The following PTPRF variants were observed in gnomAD, a reference collection of about 807,000 sequenced individuals.
PTPRF encodes receptor-type tyrosine-protein phosphatase F.
PTPRF carries 59 observed loss-of-function variants against 201.8 expected under a neutral mutation model. That is an observed-to-expected ratio of 0.29 (90% CI 0.24 to 0.36). The LOEUF (loss-of-function observed/expected upper bound fraction) is 0.36, where lower values mean the gene tolerates loss of function less well. Ranked by LOEUF, PTPRF falls within the 10% of genes least tolerant of loss-of-function variation. The probability of loss-of-function intolerance (pLI) is 1.00; values close to 1 mark genes in which losing one functional copy is unlikely to be tolerated. For missense variants in PTPRF, 2,132 were observed against 2,690.5 expected (o/e 0.79, Z 4.59); for synonymous variants, 1,088 against 1,089.7 (o/e 1.00, Z 0.03).
At chr1:43,608,909 ACGCCTTTCCCGTCC>A (rs1187087477) in intron 21 of PTPRF, among the ~76,000 whole-genome samples, 1 of 152,092 alleles carries the variant, frequency 6.6e-6, no homozygotes, top group Admixed American at 6.6e-5. Context: ...AGCTAGGGTG[ACGCCTTTCCCGTCC>A]CTCCCCTGCT....
chr1:43,620,543 G>T lies in PTPRF; in HGVS notation c.5328G>T (p.Gln1776His), dbSNP rs1422196179. The T allele has an allele frequency of 6.2e-7, 1 of 1,614,164 alleles. No homozygotes were observed. Among genetic ancestry groups the T allele is most frequent in the East Asian group, 2.2e-5 (1 of 44,888 alleles). ...VDPMAEYNMP[Q>H]YILREFKVTD... Reference sequence around the variant, plus strand: ...CGATGGCTGAGTACAACATGCCCCAGTATATCCTGCGTGAGTTCAAGGTCA... The same window carrying T: ...CGATGGCTGAGTACAACATGCCCCATTATATCCTGCGTGAGTTCAAGGTCA... Residue 1776 changes from glutamine to histidine, a missense_variant, in exon 31 of 34, where the codon CAG (glutamine) becomes CAT (histidine). Around this residue, in one of 6 missense-constraint regions of PTPRF, gnomAD observed 519 missense variants for 659.5 expected, o/e 0.79. Transcript: ENST00000359947.
intron 16 of PTPRF, 41 bp downstream of exon 16, chr1:43,604,230 G>A (rs1181719933): frequency 6.3e-7 from 1 of 1,583,210 alleles, no homozygotes. Context: ...GAGTGTGGCT[G>A]CATCTGGGGG....
chr1:43,538,905 G>A (rs1191828207), intron 2 of PTPRF, among the ~76,000 whole-genome samples: 2 of 152,158 alleles, frequency 1.3e-5, no homozygotes, highest in East Asian at 3.9e-4. Context: ...CAGCATCATG[G>A]GCCTTGGATG....
At chr1:43,589,378 A>AG (rs1409431924) in intron 8 of PTPRF, among the ~76,000 whole-genome samples, 7 of 152,106 alleles carry the variant, frequency 4.6e-5, no homozygotes, top group Non-Finnish European at 8.8e-5. Flanking sequence ...TAAATGACAG[A>AG]GCAGGGACTT....
chr1:43,613,013 A>G, intron 22 of PTPRF: 1 of 364,754 alleles, frequency 2.7e-6, no homozygotes, highest in Non-Finnish European at 5.3e-6. Flanking sequence ...TTTCTCTCCC[A>G]CCGGCCCCGT....
chr1:43,587,299 G>A (rs1649404002), intron 7 of PTPRF, among the ~76,000 whole-genome samples: 2 of 152,208 alleles, frequency 1.3e-5, no homozygotes, highest in Non-Finnish European at 1.5e-5. Flanking sequence ...GAGGACTGAC[G>A]CAGAACACAT....
chr1:43,597,186 A>G (rs1652506109), intron 11 of PTPRF, among the ~76,000 whole-genome samples: 1 of 152,034 alleles, frequency 6.6e-6, no homozygotes, highest in Non-Finnish European at 1.5e-5. Context: ...TGTGTATGTG[A>G]CACTGTATAT....
At position 43,597,774 on chromosome 1, in the gene PTPRF, A is replaced by G; in HGVS notation, c.1840A>G (p.Met614Val). The change falls in exon 12 of 34, where the codon ATG (methionine) becomes GTG (valine). Residue 614 changes from methionine to valine, a missense_variant. Transcript: ENST00000359947. ...CCCCTCCGCCCCTCCCCAGAAGGTG[A>G]TGTGTGTGAGCATGGGCTCCACCAC... The part of the protein sequence containing the change: ...STPSAPPQKV[M>V]CVSMGSTTVR... 7.0e-6 allele frequency: 10 copies of G among 1,435,090 alleles called. No individual in the cohort carries two copies. Among genetic ancestry groups the G allele is most frequent in the Non-Finnish European group, 8.4e-6 (9 of 1,065,136 alleles). 88.9% of individuals were successfully genotyped at this position (1,435,090 alleles called of 1,614,324 possible).
upstream of PTPRF, among the ~76,000 whole-genome samples, chr1:43,523,204 T>C (rs975271701): frequency 1.3e-5 from 2 of 151,840 alleles, no homozygotes; most frequent in African/African-American, 4.8e-5. Flanking sequence ...ATCTTGGGCA[T>C]GCTGGGGCTG....
chr1:43,543,089 CAT>C (rs372763761), intron 2 of PTPRF, among the ~76,000 whole-genome samples: 2 of 152,166 alleles, frequency 1.3e-5, no homozygotes, highest in East Asian at 3.8e-4. Context: ...GTTATAAACT[CAT>C]GTGTCTCATT....
chr1:43,530,036 G>A (rs542934985), upstream of PTPRF, among the ~76,000 whole-genome samples: 1 of 152,102 alleles, frequency 6.6e-6, no homozygotes, highest in South Asian at 2.1e-4. This position sits in a 1 kb window ranked among gnomAD's most constrained non-coding sequence, Gnocchi z 4.1. Flanking sequence ...GGGGCTTTGT[G>A]TGGAGTTTCT....
intron 10 of PTPRF, among the ~76,000 whole-genome samples, chr1:43,592,178 G>C (rs569684203): frequency 9.6e-4 from 146 of 152,032 alleles, no homozygotes; most frequent in African/African-American, 3.4e-3. Context: ...GTCTGCCTTG[G>C]GTTTCCTAGG....
intron 6 of PTPRF, among the ~76,000 whole-genome samples, chr1:43,577,919 T>C (rs1452832375): frequency 6.6e-6 from 1 of 152,204 alleles, no homozygotes; most frequent in Non-Finnish European, 1.5e-5. Flanking sequence ...AGCAGTTTTT[T>C]CAAGTGTTTA....
chr1:43,622,305 G>A lies in PTPRF; in HGVS notation c.*302G>A, dbSNP rs55647429. 1.3e-3 allele frequency: 536 copies of A among 423,728 alleles called. 4 individuals carry two copies. The highest frequency in any genetic ancestry group is 0.01 in the African/African-American group (503 of 50,186). 26.2% of individuals were successfully genotyped at this position (423,728 alleles called of 1,614,324 possible). ...CATTTCTCATGCTTCTTCTCATGGG[G>A]TGGGGTTGGGGCAAAGCCTCCTTTT... is the stretch of plus-strand genomic sequence containing the variant. On this transcript the variant is annotated 3_prime_UTR_variant, in exon 34 of 34. Coordinates refer to ENST00000359947, the MANE Select transcript of PTPRF (RefSeq NM_002840.5).
intron 12 of PTPRF, chr1:43,598,485 A>G (rs1652936767): frequency 7.5e-6 from 4 of 529,890 alleles, no homozygotes; most frequent in Non-Finnish European, 1.3e-5. Flanking sequence ...GACCCTCCCC[A>G]CCAAGTGAGA....
At chr1:43,597,661 T>G in intron 11 of PTPRF, 87 bp from the exon 12 acceptor site, 1 of 1,001,406 alleles carries the variant, frequency 1.0e-6, no homozygotes, top group Non-Finnish European at 1.5e-6. Context: ...CCTGCCCGGG[T>G]GAGTCTCCAG....
At chr1:43,590,815 G>T (rs1312969856) in intron 8 of PTPRF, among the ~76,000 whole-genome samples, 157 bp from the exon 9 acceptor site, 4 of 152,236 alleles carry the variant, frequency 2.6e-5, no homozygotes, top group African/African-American at 9.6e-5. Flanking sequence ...GCCTTCAGAG[G>T]TCACCATAAG....
At chr1:43,570,462 A>C (rs1246155185) in intron 6 of PTPRF, among the ~76,000 whole-genome samples, 2 of 152,276 alleles carry the variant, frequency 1.3e-5, no homozygotes, top group Non-Finnish European at 2.9e-5. Context: ...ATCTGCTGCC[A>C]GCACGGCCTG....
chr1:43,604,656 G>A (rs1654606605), intron 16 of PTPRF, among the ~76,000 whole-genome samples: 1 of 152,184 alleles, frequency 6.6e-6, no homozygotes, highest in African/African-American at 2.4e-5. Context: ...CGTTTCTGGA[G>A]ATTCTGACCC....
Sources: gnomAD v4.1 joint callset for allele counts (sites outside exome capture counted in the v4.1 genomes callset) on GRCh38, gnomAD v4.1.1 for gene constraint, gnomAD v4.1.1 regional missense constraint, Gnocchi (gnomAD v3.1) non-coding constraint, MANE v1.5 for transcripts, NCBI Gene and HGNC (gene_info 2026-07-23, HGNC 2026-07-21) for gene names.